RP1: variants seen among roughly 807,000 people sequenced by gnomAD.
The protein encoded by RP1 is oxygen-regulated protein 1.
A neutral mutation model predicts 14.8 loss-of-function variants in RP1; 16 were observed. The observed-to-expected ratio is 1.08, with a 90% CI of 0.73 to 1.65. The LOEUF is 1.65. Ranked by LOEUF, RP1 falls within the 40% of genes most tolerant of loss-of-function variation. The pLI, the probability that RP1 is intolerant of heterozygous loss-of-function variation, is 0.00. For synonymous variants in RP1, 876 were observed against 883.6 expected (o/e 0.99, Z 0.15); for missense variants, 2,631 against 2,535.0 (o/e 1.04, Z -0.81).
Position 54,837,464 on chromosome 8 carries a change from T to TTAG in RP1, c.3630_3631insTAG (p.Asp1210_Ile1211insTer). On this transcript the variant is annotated stop_gained and inframe_insertion, in exon 25 of 29. Coordinates refer to the RP1 transcript ENST00000637698. LOFTEE classifies it high-confidence loss of function. ...TTGTGTTGCAGATTAATCTCAAAGA[T>TTAG]ATTGGTGAAATCTATAAAATACGTA... 1 of 1,227,834 alleles carries TTAG rather than the reference T, an allele frequency of 8.1e-7. No individual in the cohort carries two copies. Among genetic ancestry groups the TTAG allele is most frequent in the South Asian group, 4.1e-5 (1 of 24,228 alleles). The allele number at this position is 1,227,834 out of a possible 1,614,324, so 76.1% of individuals were successfully genotyped here.
At position 54,626,620 on chromosome 8, in the gene RP1, A is replaced by C. The variant is rs749494775; in HGVS notation, c.2738A>C (p.Gln913Pro). The C allele has an allele frequency of 6.2e-6, 10 of 1,613,530 alleles. No homozygotes were observed. In the South Asian group the frequency reaches 9.9e-5, roughly 16 times the overall value. ...FPEAIAHHSI[Q>P]NYIQSWLQNI... ...GAGGCTATTGCTCATCATTCAATTC[A>C]AAATTATATACAGAGTTGGTTGCAG... is the stretch of plus-strand genomic sequence containing the variant. Residue 913 changes from glutamine to proline, a missense_variant, in exon 4 of 4, where the codon CAA becomes CCA. Gln to Pro is a moderately conservative substitution (Grantham distance 76). Coordinates refer to ENST00000220676, the MANE Select transcript of RP1 (RefSeq NM_006269.2).
chr8:54,758,027 A>G (rs912815927), intron 21 of RP1, among the ~76,000 whole-genome samples: 4 of 152,224 alleles, frequency 2.6e-5, no homozygotes, highest in Non-Finnish European at 5.9e-5. Flanking sequence ...CAAATATCAA[A>G]TTGAAATTTA....
At chr8:54,706,481 A>T (rs996832844) in exon 15 of RP1, 75 of 1,535,690 alleles carry the variant, frequency 4.9e-5, no homozygotes, top group Non-Finnish European at 5.9e-5. Flanking sequence ...TGCTTGCTAC[A>T]AGCCTGTGTC....
intron 25 of RP1, among the ~76,000 whole-genome samples, chr8:54,840,062 G>A (rs2129404106): frequency 6.6e-6 from 1 of 152,034 alleles, no homozygotes; most frequent in Admixed American, 6.5e-5. Flanking sequence ...TAGAATTTTG[G>A]TTTCTACCCT....
At chr8:54,615,089 G>A (rs964422831), upstream of RP1, among the ~76,000 whole-genome samples, 1 of 152,140 alleles carries the variant, frequency 6.6e-6, no homozygotes, top group Non-Finnish European at 1.5e-5. Flanking sequence ...CCATGTCTGT[G>A]TGTAGACAGT....
intron 12 of RP1, chr8:54,696,743 T>G: frequency 1.4e-6 from 1 of 724,116 alleles, no homozygotes; most frequent in Non-Finnish European, 2.5e-6. Flanking sequence ...AAAGAAAATG[T>G]TTAGTGGTGT....
At chr8:54,753,226 A>G (rs921732269) in intron 19 of RP1, among the ~76,000 whole-genome samples, 27 of 152,204 alleles carry the variant, frequency 1.8e-4, no homozygotes, top group African/African-American at 6.0e-4. Context: ...ATTAATGGTC[A>G]GGCGTGCTGA....
chr8:54,780,850 G>A (rs1002791791), intron 23 of RP1: 14 of 881,356 alleles, frequency 1.6e-5, no homozygotes, highest in African/African-American at 3.6e-5. Flanking sequence ...GCTGAAGTTC[G>A]GAATTCTCTA....
At position 54,687,305 on chromosome 8, in the gene RP1, T is replaced by C. The variant is rs543184336; in HGVS notation, c.1717+7372T>C. 6.4e-4 allele frequency among the ~76,000 whole-genome samples: 98 copies of C among 152,184 alleles called. 1 individual carries two copies. Among genetic ancestry groups the C allele is most frequent in the Non-Finnish European group, 1.0e-3 (71 of 67,984 alleles). ...GGACATGCCTCTGCATAATCCTATT[T>C]TTTTAAAAAATATTTTTTATTATAC... On this transcript the variant is annotated intron_variant, in intron 12 of 22. Transcript: ENST00000636932.
At chr8:54,661,407 A>G (rs1806895755) in intron 6 of RP1, among the ~76,000 whole-genome samples, 1 of 151,032 alleles carries the variant, frequency 6.6e-6, no homozygotes, top group Non-Finnish European at 1.5e-5. Context: ...TGAGTCTGGG[A>G]GGTTGAGGAT....
rs1808161765 is a variant in RP1, at chr8:54,706,798, G to A, written c.2211+143G>A. Reference sequence around the variant, plus strand: ...CTTGACTGGTATTTTTAATAAGTGAGGAGAGCAGCCACATGCCTGGTATGA... The same window carrying A: ...CTTGACTGGTATTTTTAATAAGTGAAGAGAGCAGCCACATGCCTGGTATGA... On this transcript the variant is annotated intron_variant, in intron 15 of 22. Transcript: ENST00000636932. The A allele has an allele frequency of 2.7e-5, 22 of 800,942 alleles. No homozygotes were observed. The South Asian group carries it at 3.1e-4, about 11-fold the overall frequency. The allele number at this position is 800,942 out of a possible 1,614,324, so 49.6% of individuals were successfully genotyped here.
exon 24 of RP1, chr8:54,783,688 C>T: frequency 5.7e-6 from 7 of 1,231,294 alleles, no homozygotes; most frequent in Non-Finnish European, 7.1e-6. Context: ...CTGTTTAACC[C>T]TAACACTGCA....
chr8:54,638,675 A>G (rs951690711), intron 3 of RP1, among the ~76,000 whole-genome samples: 4 of 152,116 alleles, frequency 2.6e-5, no homozygotes, highest in African/African-American at 4.8e-5. Context: ...AAATTTCACA[A>G]TAATACACAC....
chr8:54,711,164 T>C (rs889234437), intron 15 of RP1, among the ~76,000 whole-genome samples: 1 of 152,156 alleles, frequency 6.6e-6, no homozygotes, highest in Non-Finnish European at 1.5e-5. Flanking sequence ...TGTTACTATG[T>C]TTTTTTAATA....
At chr8:54,757,614 G>A (rs776038967) in intron 21 of RP1, among the ~76,000 whole-genome samples, 97 of 152,332 alleles carry the variant, frequency 6.4e-4, no homozygotes, top group Admixed American at 1.4e-3. Context: ...ACATCTCTCA[G>A]ATTTGTCCCA....
chr8:54,855,973 C>CACACACACACA (rs367829972), intron 26 of RP1, among the ~76,000 whole-genome samples: 19 of 102,258 alleles, frequency 1.9e-4, no homozygotes, highest in African/African-American at 8.0e-4. Context: ...ACACACACAC[C>CACACACACACA]CCCTATAACC....
intron 24 of RP1, among the ~76,000 whole-genome samples, chr8:54,836,897 G>T (rs1489673246): frequency 6.6e-6 from 1 of 152,038 alleles, no homozygotes; most frequent in East Asian, 1.9e-4. Flanking sequence ...ATTTTCAAAA[G>T]AAAAATATTG....
chr8:54,672,958 T>G (rs1231276728), intron 7 of RP1, among the ~76,000 whole-genome samples: 1 of 152,204 alleles, frequency 6.6e-6, no homozygotes, highest in African/African-American at 2.4e-5. Flanking sequence ...ACTGTTCTGT[T>G]TGGTGGATAA....
At chr8:54,661,235 A>G (rs560601817) in intron 6 of RP1, among the ~76,000 whole-genome samples, 79 of 141,950 alleles carry the variant, frequency 5.6e-4, no homozygotes, top group African/African-American at 2.0e-3. Flanking sequence ...TGATATATAT[A>G]ATATATACAT....
Sources: gnomAD v4.1 joint callset for allele counts (sites outside exome capture counted in the v4.1 genomes callset) on GRCh38, gnomAD v4.1.1 for gene constraint, MANE v1.5 for transcripts, NCBI Gene and HGNC (gene_info 2026-07-23, HGNC 2026-07-21) for gene names.